Variants in FBXO11 observed in about 807,000 individuals in gnomAD.
The protein encoded by FBXO11 is F-box protein 11.
FBXO11 carries 13 observed loss-of-function variants against 117.0 expected under a neutral mutation model. The observed-to-expected ratio is 0.11, with a 90% CI of 0.07 to 0.18. The LOEUF (loss-of-function observed/expected upper bound fraction) is 0.18. Ranked by LOEUF, FBXO11 falls within the 10% of genes least tolerant of loss-of-function variation. The pLI, the probability that FBXO11 is intolerant of heterozygous loss-of-function variation, is 1.00. For missense variants in FBXO11, 767 were observed against 1,164.4 expected, an observed-to-expected ratio of 0.66 and a Z score of 4.97; for synonymous variants, 490 against 380.5, an observed-to-expected ratio of 1.29 and a Z score of -3.35.
chr2:47,857,078 A>C (rs1674354775), intron 1 of FBXO11, among the ~76,000 whole-genome samples: 1 of 152,208 alleles, frequency 6.6e-6, no homozygotes, highest in Non-Finnish European at 1.5e-5. Flanking sequence ...AAACTCATCT[A>C]CTTTAGTCAA....
Position 47,875,956 on chromosome 2 carries a change from T to C in FBXO11, c.232+29533A>G, listed in dbSNP as rs189648999. The stretch of plus-strand genomic sequence containing the variant: ...GCAGCAAACATGTATAGAGTAGTAC[T>C]AATCAGTGGCTTTATATGTATTTCA... On this transcript the variant is annotated intron_variant, in intron 1 of 22. Transcript: ENST00000403359. Among the ~76,000 whole-genome samples the C allele has an allele frequency of 9.1e-3, 1,379 of 152,318 alleles. 9 individuals are homozygous for C. Among genetic ancestry groups the C allele is most frequent in the African/African-American group, 0.031 (1,303 of 41,572 alleles).
Position 47,808,119 on chromosome 2 carries a change from C to A in FBXO11, c.2783G>T (p.Ter928LeuextTer16). 1 of 1,604,478 alleles carries A rather than the reference C, an allele frequency of 6.2e-7. No homozygotes were observed. The highest frequency in any genetic ancestry group is 1.1e-5 in the South Asian group (1 of 88,896). The change falls in exon 23 of 23, where the codon TGA (stop) becomes TTA (leucine). Residue 928 changes from the stop codon to leucine, a stop_lost. Coordinates refer to ENST00000403359, the MANE Select transcript of FBXO11 (RefSeq NM_001190274.2). ...PIESNTLQHN* is the reference protein window; with the variant it reads ...PIESNTLQHNL Reference sequence around the variant, plus strand: ...GGACTTTTTCTTTAGGGAAGGAATTCAGTTGTGCTGCAATGTATTAGATTC... The same window carrying A: ...GGACTTTTTCTTTAGGGAAGGAATTAAGTTGTGCTGCAATGTATTAGATTC...
At chr2:47,810,614 T>G (rs1019873627) in intron 18 of FBXO11, 188 bp from the exon 19 acceptor site, 9 of 493,906 alleles carry the variant, frequency 1.8e-5, no homozygotes, top group Non-Finnish European at 3.2e-5. Context: ...ATTGCTACAA[T>G]GACAGGTAAG....
intron 1 of FBXO11, among the ~76,000 whole-genome samples, chr2:47,860,169 G>A (rs1232045659): frequency 3.3e-5 from 5 of 152,084 alleles, no homozygotes; most frequent in African/African-American, 4.8e-5. Context: ...AGTCTTTATT[G>A]CTTCTGTTTC....
chr2:47,848,594 T>C (rs1673602316), intron 1 of FBXO11, among the ~76,000 whole-genome samples: 2 of 152,234 alleles, frequency 1.3e-5, no homozygotes, highest in Admixed American at 1.3e-4. Flanking sequence ...ACATATATAA[T>C]ATCAAAATTT....
intron 1 of FBXO11, among the ~76,000 whole-genome samples, chr2:47,900,602 G>GTGTATA (rs1491424817): frequency 2.2e-5 from 2 of 90,550 alleles, no homozygotes; most frequent in Non-Finnish European, 4.8e-5. Flanking sequence ...ATATACACAC[G>GTGTATA]TATACACACG....
intron 16 of FBXO11, among the ~76,000 whole-genome samples, chr2:47,817,127 G>A (rs1229659597): frequency 6.6e-6 from 1 of 152,112 alleles, no homozygotes; most frequent in Non-Finnish European, 1.5e-5. Context: ...ATATCTTCTG[G>A]GATAACTTTC....
Position 47,808,065 on chromosome 2 carries a change from G to GTGTT in FBXO11, c.*49_*52dup. 6.8e-7 allele frequency: 1 copy of GTGTT among 1,468,204 alleles called. No homozygotes were observed. The highest frequency in any genetic ancestry group is 9.3e-7 in the Non-Finnish European group (1 of 1,073,366). 90.9% of individuals were successfully genotyped at this position (1,468,204 alleles called of 1,614,324 possible). A position where few individuals can be genotyped will look rare whatever the true frequency, so the allele number is the denominator to read the frequency against. ...ATATTTTAAATCTTCTTCCAAAAAAGTGTTTTAAGTTATGATGTTACAATG... is the reference window on the plus strand; with the variant it reads ...ATATTTTAAATCTTCTTCCAAAAAAGTGTTTGTTTTAAGTTATGATGTTACAATG... On this transcript the variant is annotated 3_prime_UTR_variant, in exon 23 of 23. Transcript: ENST00000403359.
chr2:47,900,613 TATATACACAC>T (rs1453390209), intron 1 of FBXO11, among the ~76,000 whole-genome samples: 3 of 73,274 alleles, frequency 4.1e-5, no homozygotes, highest in South Asian at 3.9e-4. Context: ...TATACACACG[TATATACACAC>T]GTATACACAC....
rs753250494 is a variant in FBXO11 at position 47,834,536 on chromosome 2, G to A, written c.934+43C>T. On this transcript the variant is annotated intron_variant, in intron 7 of 22. Transcript: ENST00000403359. ...ATTTTTAAAATCCTATCACATAAATGAGTAAAATATTAAAATTTTAATGAC... is the reference window on the plus strand; with the variant it reads ...ATTTTTAAAATCCTATCACATAAATAAGTAAAATATTAAAATTTTAATGAC... The A allele has an allele frequency of 4.2e-6, 6 of 1,442,776 alleles. No individual in the cohort carries two copies. The East Asian group carries it at 7.1e-5, about 17-fold the overall frequency. 89.4% of individuals were successfully genotyped at this position (1,442,776 alleles called of 1,614,324 possible). A position where few individuals can be genotyped will look rare whatever the true frequency, so the allele number is the denominator to read the frequency against.
intron 5 of FBXO11, among the ~76,000 whole-genome samples, chr2:47,835,500 C>CT (rs891732660): frequency 1.1e-3 from 164 of 147,504 alleles, no homozygotes; most frequent in Admixed American, 2.4e-3. Context: ...ACCTACTCAA[C>CT]TTTTTTTTTT....
Position 47,904,150 on chromosome 2 carries a change from A to C in FBXO11, c.232+1339T>G, listed in dbSNP as rs143499510. On this transcript the variant is annotated intron_variant, in intron 1 of 22. Coordinates refer to ENST00000403359, the MANE Select transcript of FBXO11 (RefSeq NM_001190274.2). ...ACAATGAAACCGTTTTTAAGGAAAT[A>C]ATGTATAATTTTAAAAAACATTTAA... Among the ~76,000 whole-genome samples the C allele has an allele frequency of 4.9e-4, 75 of 152,372 alleles. 1 individual carries two copies. The East Asian group carries it at 0.014, about 29-fold the overall frequency.
In FBXO11 at chr2:47,906,322, TCCTCGGCGAA is replaced by T. The variant is rs1678811786; in HGVS notation, c.-612_-603del. ...TCTTCTCTCTCCTCCCCCCCTTCTCTCCTCGGCGAAGGGGAAATGAGTGTGAAGGGAGGAG... is the reference window on the plus strand; with the variant it reads ...TCTTCTCTCTCCTCCCCCCCTTCTCTGGGGAAATGAGTGTGAAGGGAGGAG... On this transcript the variant is annotated 5_prime_UTR_variant, in exon 1 of 23. Transcript: ENST00000403359. Among the ~76,000 whole-genome samples the T allele has an allele frequency of 6.6e-6, 1 of 151,958 alleles. No individual in the cohort carries two copies. The highest frequency in any genetic ancestry group is 2.4e-5 in the African/African-American group (1 of 41,354).
chr2:47,808,318 G>A lies in FBXO11; in HGVS notation c.2654+11C>T, dbSNP rs1670369024. 6.2e-7 allele frequency: 1 copy of A among 1,612,366 alleles called. No individual in the cohort carries two copies. The highest frequency in any genetic ancestry group is 8.5e-7 in the Non-Finnish European group (1 of 1,179,262). On this transcript the variant is annotated intron_variant, in intron 22 of 22. Coordinates refer to ENST00000403359, the MANE Select transcript of FBXO11 (RefSeq NM_001190274.2). ...TAATTGGGTAATATATCAAGCAAGT[G>A]TGCTACATACCTATCATGTCTAATA...
intron 18 of FBXO11, 127 bp downstream of exon 18, chr2:47,813,107 A>C: frequency 1.0e-6 from 1 of 1,003,928 alleles, no homozygotes; most frequent in South Asian, 1.3e-5. Context: ...AACCAGTTCA[A>C]CTTGATAAGG....
intron 1 of FBXO11, among the ~76,000 whole-genome samples, chr2:47,900,943 G>C (rs995289918): frequency 7.0e-5 from 10 of 141,990 alleles, no homozygotes; most frequent in Non-Finnish European, 1.2e-4. Context: ...TGGAATTGCA[G>C]GGTTTTTAAA....
chr2:47,895,399 A>G (rs1458161002), intron 1 of FBXO11, among the ~76,000 whole-genome samples: 2 of 152,244 alleles, frequency 1.3e-5, no homozygotes, highest in African/African-American at 4.8e-5. Flanking sequence ...ATTCTGTCAG[A>G]CACATAGGAG....
intron 13 of FBXO11, among the ~76,000 whole-genome samples, chr2:47,821,471 G>A (rs1056016044): frequency 1.3e-5 from 2 of 152,082 alleles, no homozygotes; most frequent in Admixed American, 6.6e-5. Context: ...TTAGCCGGGC[G>A]TGGTGGCGGG....
At chr2:47,876,850 T>C (rs926347927) in intron 1 of FBXO11, among the ~76,000 whole-genome samples, 1 of 152,182 alleles carries the variant, frequency 6.6e-6, no homozygotes, top group African/African-American at 2.4e-5. Flanking sequence ...TCTACTACTA[T>C]GTCTAATCTC....
Sources: gnomAD v4.1 joint callset for allele counts (sites outside exome capture counted in the v4.1 genomes callset) on GRCh38, gnomAD v4.1.1 for gene constraint, MANE v1.5 for transcripts, NCBI Gene and HGNC (gene_info 2026-07-23, HGNC 2026-07-21) for gene names.